The following RNF128 variants were observed in gnomAD, a reference collection of about 807,000 sequenced individuals.
RNF128 encodes E3 ubiquitin-protein ligase RNF128.
RNF128 carries 13 observed loss-of-function variants against 26.2 expected under a neutral mutation model. The observed-to-expected ratio is 0.50, with a 90% confidence interval of 0.32 to 0.79. The LOEUF (loss-of-function observed/expected upper bound fraction) is 0.79. Among genes scored for constraint, RNF128 ranks in the 30% least tolerant of loss-of-function variants. The pLI, the probability that RNF128 is intolerant of heterozygous loss-of-function variation, is 0.03. For synonymous variants in RNF128, 149 were observed against 142.5 expected, an observed-to-expected ratio of 1.05 and a Z score of -0.32; for missense variants, 315 against 349.7, an observed-to-expected ratio of 0.90 and a Z score of 0.79.
At chrX:106,791,302 T>C in intron 6 of RNF128, 68 bp downstream of exon 6, 1 of 1,011,014 alleles carries the variant, frequency 9.9e-7, no homozygotes, top group Non-Finnish European at 1.3e-6. Flanking sequence ...TGTATAGTAC[T>C]CTTGCTTTTT....
At chrX:106,717,839 A>C (rs1202421830) in intron 1 of RNF128, among the ~76,000 whole-genome samples, 1 of 112,219 alleles carries the variant, frequency 8.9e-6, no homozygotes, top group Non-Finnish European at 1.9e-5. Flanking sequence ...TTTCATTGAA[A>C]GTCTTCTATT....
At chrX:106,754,025 C>A (rs184869701) in intron 1 of RNF128, among the ~76,000 whole-genome samples, 7 of 111,219 alleles carry the variant, frequency 6.3e-5, no homozygotes, top group African/African-American at 2.3e-4. Context: ...ACCCTACTTT[C>A]AGCATTGGAC....
chrX:106,718,413 AAC>A (rs1189899430), intron 1 of RNF128, among the ~76,000 whole-genome samples: 4 of 111,697 alleles, frequency 3.6e-5, no homozygotes, highest in African/African-American at 1.3e-4. Context: ...CAGAATGTTC[AAC>A]AGTCACAGAT....
rs1569437682 is a variant in RNF128 at position 106,727,181 on chromosome X, C to G, written c.268C>G (p.Pro90Ala). ...TGGGGTCCTGGTACCGCCCGACGGG[C>G]CCGGGGCGCTTAACGCCTGTAACCC... ...VAGVLVPPDG[P>A]GALNACNPHT... Residue 90 changes from proline (P) to alanine (A), a missense_variant, in exon 1 of 7, where the codon CCC (proline) becomes GCC (alanine). Transcript: ENST00000255499. The G allele has an allele frequency of 8.3e-7, 1 of 1,210,987 alleles. No homozygotes were observed. The highest frequency in any genetic ancestry group is 2.2e-5 in the Admixed American group (1 of 46,049).
At chrX:106,779,942 G>T (rs1378304695) in intron 2 of RNF128, among the ~76,000 whole-genome samples, 1 of 112,017 alleles carries the variant, frequency 8.9e-6, no homozygotes, top group East Asian at 2.8e-4. Flanking sequence ...CTGAGGAAAA[G>T]AATCCTCTTA....
chrX:106,789,093 GTA>G (rs1356198034), intron 4 of RNF128, among the ~76,000 whole-genome samples: 1 of 81,652 alleles, frequency 1.2e-5, no homozygotes, highest in African/African-American at 4.6e-5. Flanking sequence ...ATAGTATATA[GTA>G]TATATATACT....
chrX:106,726,161 G>A (rs1929388780), upstream of RNF128, among the ~76,000 whole-genome samples: 1 of 111,841 alleles, frequency 8.9e-6, no homozygotes, highest in Admixed American at 9.4e-5. Context: ...CTAGGGTAAC[G>A]GTGAGGAAAT....
At chrX:106,716,266 C>A (rs1929214861) in intron 1 of RNF128, among the ~76,000 whole-genome samples, 1 of 111,793 alleles carries the variant, frequency 8.9e-6, no homozygotes, top group South Asian at 3.7e-4. Context: ...TCTCTCTGAC[C>A]ACTCTTTTGT....
chrX:106,723,900 T>C (rs1307001604), upstream of RNF128, among the ~76,000 whole-genome samples: 1 of 111,171 alleles, frequency 9.0e-6, no homozygotes, highest in Non-Finnish European at 1.9e-5. Flanking sequence ...TCTCTCTGAT[T>C]GTCTCACTAG....
intron 1 of RNF128, among the ~76,000 whole-genome samples, chrX:106,770,104 C>T (rs754863895): frequency 2.7e-5 from 3 of 111,914 alleles, no homozygotes; most frequent in South Asian, 3.8e-4. Context: ...GAGTTTCTGC[C>T]GAGAGATCCG....
upstream of RNF128, among the ~76,000 whole-genome samples, chrX:106,724,542 C>G (rs1929363749): frequency 8.9e-6 from 1 of 112,151 alleles, no homozygotes; most frequent in Non-Finnish European, 1.9e-5. Flanking sequence ...TGTTACCACC[C>G]TCCCTCTGTT....
chrX:106,702,781 G>T (rs1928980996), intron 1 of RNF128, among the ~76,000 whole-genome samples: 1 of 111,776 alleles, frequency 8.9e-6, no homozygotes, highest in East Asian at 2.8e-4. Context: ...TTTCTTACTG[G>T]TGATATCAGG....
chrX:106,766,997 G>T (rs1293843895), intron 1 of RNF128, among the ~76,000 whole-genome samples: 1 of 111,196 alleles, frequency 9.0e-6, no homozygotes, highest in Non-Finnish European at 1.9e-5. Context: ...TCTTGTTTTT[G>T]TCAGGTTTGT....
chrX:106,777,599 A>G (rs1010532125), intron 2 of RNF128, among the ~76,000 whole-genome samples: 1 of 112,149 alleles, frequency 8.9e-6, no homozygotes, highest in African/African-American at 3.2e-5. Context: ...CAGCAAGGCC[A>G]ATATATCCTT....
intron 3 of RNF128, among the ~76,000 whole-genome samples, chrX:106,787,543 A>C (rs1195611976): frequency 9.0e-6 from 1 of 111,061 alleles, no homozygotes; most frequent in Admixed American, 9.6e-5. Context: ...ATTTTTCAAA[A>C]CGTGCAGAAC....
chrX:106,696,047 G>C lies in RNF128; in HGVS notation c.406+1639G>C, dbSNP rs960776213. 6.3e-5 allele frequency among the ~76,000 whole-genome samples: 7 copies of C among 111,414 alleles called. No homozygotes were observed. In the Admixed American group the frequency reaches 6.7e-4, roughly 11 times the overall value. ...TGACTCTGAACAGAGTTTTAAAAAGGAGGCAGTTAGACTTATCATTCAATA... is the reference window on the plus strand; with the variant it reads ...TGACTCTGAACAGAGTTTTAAAAAGCAGGCAGTTAGACTTATCATTCAATA... On this transcript the variant is annotated intron_variant, in intron 1 of 6. Coordinates refer to the RNF128 transcript ENST00000324342.
chrX:106,694,319 T>A (rs1928838678), exon 1 of RNF128: 1 of 1,208,214 alleles, frequency 8.3e-7, no homozygotes, highest in African/African-American at 1.8e-5. Context: ...TCAGAAAAAA[T>A]TCAAACAGCG....
At chrX:106,732,496 A>G (rs1388713026) in intron 1 of RNF128, among the ~76,000 whole-genome samples, 1 of 112,002 alleles carries the variant, frequency 8.9e-6, no homozygotes, top group Non-Finnish European at 1.9e-5. Context: ...CACAAGATTC[A>G]CTAGAAAAGT....
At chrX:106,743,182 A>G (rs1929732116) in intron 1 of RNF128, among the ~76,000 whole-genome samples, 1 of 112,180 alleles carries the variant, frequency 8.9e-6, no homozygotes, top group South Asian at 3.7e-4. Context: ...TGAGCCTGTC[A>G]TTTCAGGAAA....
Sources: allele counts gnomAD v4.1 joint callset (sites outside exome capture counted in the v4.1 genomes callset), GRCh38; gene constraint gnomAD v4.1.1; transcripts MANE v1.5; gene names NCBI Gene and HGNC (gene_info 2026-07-23, HGNC 2026-07-21).